The following AP5Z1 variants were observed in gnomAD, a reference collection of about 807,000 sequenced individuals.
The protein encoded by AP5Z1 is AP-5 complex subunit zeta-1.
AP5Z1 carries 106 observed loss-of-function variants against 83.0 expected under a neutral mutation model. The observed-to-expected ratio is 1.28, with a 90% confidence interval of 1.09 to 1.50. The LOEUF (loss-of-function observed/expected upper bound fraction) is 1.50, where lower values mean the gene tolerates loss of function less well. Among genes scored for constraint, AP5Z1 ranks in the 40% most tolerant of loss-of-function variants. The pLI, the probability that AP5Z1 is intolerant of heterozygous loss-of-function variation, is 0.00. For missense variants in AP5Z1, 1,565 were observed against 1,094.2 expected (o/e 1.43, Z -6.07); for synonymous variants, 751 against 514.1 (o/e 1.46, Z -6.23).
intron 13 of AP5Z1, 49 bp downstream of exon 13, chr7:4,789,000 G>A: frequency 6.5e-7 from 1 of 1,528,174 alleles, no homozygotes. Flanking sequence ...TCACAACTGA[G>A]GGGCAGGCCA....
Position 4,783,480 on chromosome 7 carries a change from A to G in AP5Z1, c.511+20A>G. ...AGGAGGGTACGCGGGGCCCCTCCCA[A>G]GAGGCTGTTGGGGGTCTGCCTTCCC... On this transcript the variant is annotated intron_variant, in intron 4 of 16. Coordinates refer to ENST00000649063, the MANE Select transcript of AP5Z1 (RefSeq NM_014855.3). 1 of 1,602,746 alleles carries G rather than the reference A, an allele frequency of 6.2e-7. No homozygotes were observed. Among genetic ancestry groups the G allele is most frequent in the East Asian group, 2.3e-5 (1 of 44,310 alleles).
chr7:4,785,396 CT>C lies in AP5Z1; in HGVS notation c.932-14del. On this transcript the variant is annotated intron_variant, in intron 7 of 16. Coordinates refer to ENST00000649063, the MANE Select transcript of AP5Z1 (RefSeq NM_014855.3). Reference sequence around the variant, plus strand: ...CTAAGGCTGAGACAGAGCCGGCTGACTTTTTCCCCTCCTTCCAGGAGCCCTG... The same window carrying C: ...CTAAGGCTGAGACAGAGCCGGCTGACTTTTCCCCTCCTTCCAGGAGCCCTG... The C allele has an allele frequency of 1.2e-6, 2 of 1,612,322 alleles. No homozygotes were observed. The highest frequency in any genetic ancestry group is 1.7e-6 in the Non-Finnish European group (2 of 1,179,102).
At chr7:4,790,086 C>G in intron 14 of AP5Z1, 157 bp downstream of exon 14, 4 of 1,301,558 alleles carry the variant, frequency 3.1e-6, no homozygotes, top group Non-Finnish European at 4.1e-6. Flanking sequence ...AGCCCCACAC[C>G]CAGCCCCAGG....
At chr7:4,785,761 T>C (rs892193757) in intron 9 of AP5Z1, 77 bp downstream of exon 9, 409 of 117,750 alleles carry the variant, frequency 3.5e-3, no homozygotes, top group Non-Finnish European at 5.1e-3. Flanking sequence ...TCTTCTTCCC[T>C]TTTTTTTTTT....
At chr7:4,776,973 T>A (rs1465557486) in intron 1 of AP5Z1, among the ~76,000 whole-genome samples, 3 of 152,092 alleles carry the variant, frequency 2.0e-5, no homozygotes, top group Non-Finnish European at 4.4e-5. Flanking sequence ...TGGGAAAGAT[T>A]CGGGTGGTTG....
intron 11 of AP5Z1, 118 bp downstream of exon 11, chr7:4,787,894 C>A (rs1781604958): frequency 1.5e-6 from 2 of 1,305,366 alleles, no homozygotes; most frequent in African/African-American, 1.5e-5. Context: ...CCCCCCCCAA[C>A]ACCTGACCAG....
At chr7:4,785,156 G>T in intron 7 of AP5Z1, 108 bp downstream of exon 7, 5 of 1,484,156 alleles carry the variant, frequency 3.4e-6, no homozygotes, top group African/African-American at 1.4e-5. Flanking sequence ...CACAGAGGGG[G>T]TCCCTGGGTA....
intron 1 of AP5Z1, among the ~76,000 whole-genome samples, chr7:4,780,626 C>T (rs557515077): frequency 1.7e-4 from 26 of 152,088 alleles, no homozygotes; most frequent in Non-Finnish European, 3.5e-4. Flanking sequence ...ATTAGCCGGG[C>T]GTGGTGGTGG....
In AP5Z1 at chr7:4,787,730, CTGCTGGACCTGCCCTGCTTGACGGCGG is replaced by C. The variant is rs771637614; in HGVS notation, c.1421_1447del (p.Pro474_Leu482del). The C allele has an allele frequency of 5.2e-5, 80 of 1,547,590 alleles. No homozygotes were observed. The highest frequency in any genetic ancestry group is 1.8e-4 in the Middle Eastern group (1 of 5,632). On this transcript the variant is annotated inframe_deletion, in exon 11 of 17. Coordinates refer to ENST00000649063, the MANE Select transcript of AP5Z1 (RefSeq NM_014855.3). The stretch of plus-strand genomic sequence containing the variant: ...CACAGCCCTGGAGATGCTGCACGCG[CTGCTGGACCTGCCCTGCTTGACGGCGG>C]TGCTGGACCTGCAGCTCAGGTGGGC...
intron 13 of AP5Z1, among the ~76,000 whole-genome samples, chr7:4,789,545 C>A (rs143842869): frequency 2.2e-3 from 341 of 152,334 alleles, no homozygotes; most frequent in Middle Eastern, 0.01. Context: ...TGGGCGCACC[C>A]TTGGCCAAAC....
chr7:4,786,992 G>C (rs1258552645), intron 10 of AP5Z1, among the ~76,000 whole-genome samples: 2 of 151,922 alleles, frequency 1.3e-5, no homozygotes, highest in African/African-American at 2.4e-5. Flanking sequence ...GGCTGGTCTC[G>C]AACTCCTGAC....
rs934439148 is a variant in AP5Z1, at chr7:4,792,418, AC to A, written c.*1035del. ...TCCCCCATAGCTCTGCGACTAAGAA[AC>A]CACAGGCTGAAGGCGACTGCAGGGT... On this transcript the variant is annotated 3_prime_UTR_variant, in exon 17 of 17. Transcript: ENST00000649063. 1 of 151,380 alleles carries A rather than the reference AC, an allele frequency of 6.6e-6. No homozygotes were observed. The highest frequency in any genetic ancestry group is 2.4e-5 in the African/African-American group (1 of 41,148). The allele number at this position is 151,380 out of a possible 1,614,324, so 9.4% of individuals were successfully genotyped here.
Position 4,784,895 on chromosome 7 carries a change from C to A in AP5Z1, c.791-13C>A, listed in dbSNP as rs754211887. On this transcript the variant is annotated splice_polypyrimidine_tract_variant and intron_variant, in intron 6 of 16. Coordinates refer to ENST00000649063, the MANE Select transcript of AP5Z1 (RefSeq NM_014855.3). ...CCACACGTCAGCCTGCTGAGAGTTCCCACCTCCCGCAGATGACAGGTCAGA... is the reference window on the plus strand; with the variant it reads ...CCACACGTCAGCCTGCTGAGAGTTCACACCTCCCGCAGATGACAGGTCAGA... 6.2e-7 allele frequency: 1 copy of A among 1,604,868 alleles called. No individual in the cohort carries two copies. Among genetic ancestry groups the A allele is most frequent in the Admixed American group, 1.7e-5 (1 of 59,638 alleles).
In AP5Z1 at chr7:4,785,546, C is replaced by T. The variant is rs1045333933; in HGVS notation, c.994C>T (p.Leu332=). Residue 332 remains leucine (L), a synonymous_variant, in exon 9 of 17, where the codon CTG becomes TTG. Coordinates refer to ENST00000649063, the MANE Select transcript of AP5Z1 (RefSeq NM_014855.3). ...KACLVEAVLV[L]DVLCRQDPSF... is the part of the protein sequence containing the mutation. Reference sequence around the variant, plus strand: ...GTGCCTGGTGGAGGCCGTGCTGGTGCTGGACGTGCTGTGCCGGCAGGACCC... The same window carrying T: ...GTGCCTGGTGGAGGCCGTGCTGGTGTTGGACGTGCTGTGCCGGCAGGACCC... 12 of 1,612,448 alleles carry T rather than the reference C, an allele frequency of 7.4e-6. No individual in the cohort carries two copies. In the African/African-American group the frequency reaches 8.0e-5, roughly 11 times the overall value.
At chr7:4,789,200 C>T (rs556614250) in intron 13 of AP5Z1, among the ~76,000 whole-genome samples, 9 of 145,840 alleles carry the variant, frequency 6.2e-5, no homozygotes, top group Admixed American at 6.2e-4. Context: ...TCCCGGCAGG[C>T]CACGTCCCCC....
At chr7:4,777,425 T>C (rs1781257791) in intron 1 of AP5Z1, among the ~76,000 whole-genome samples, 1 of 152,096 alleles carries the variant, frequency 6.6e-6, no homozygotes, top group South Asian at 2.1e-4. Flanking sequence ...TCTCCCTCTG[T>C]CGCCCAGGCT....
At chr7:4,787,537 C>G (rs546007662) in intron 10 of AP5Z1, 97 bp from the exon 11 acceptor site, 12 of 1,467,602 alleles carry the variant, frequency 8.2e-6, no homozygotes, top group Non-Finnish European at 1.1e-5. Flanking sequence ...CTGGGGACTG[C>G]AGGTCTGGGA....
chr7:4,787,698 A>ATG lies in AP5Z1; in HGVS notation c.1376_1377insTG (p.Gly461LeufsTer17). ...GTGGCGCTCCTCCCGGCCCTGGTGGACGCTGGCACAGCCCTGGAGATGCTG... is the reference window on the plus strand; with the variant it reads ...GTGGCGCTCCTCCCGGCCCTGGTGGATGCGCTGGCACAGCCCTGGAGATGCTG... On this transcript the variant is annotated frameshift_variant, in exon 11 of 17. Coordinates refer to ENST00000649063, the MANE Select transcript of AP5Z1 (RefSeq NM_014855.3). LOFTEE classifies it high-confidence loss of function. 1.9e-6 allele frequency: 3 copies of ATG among 1,551,952 alleles called. No individual in the cohort carries two copies. Among genetic ancestry groups the ATG allele is most frequent in the Non-Finnish European group, 2.6e-6 (3 of 1,148,896 alleles).
intron 3 of AP5Z1, 54 bp downstream of exon 3, chr7:4,781,808 C>G: frequency 3.4e-6 from 5 of 1,470,008 alleles, no homozygotes; most frequent in Non-Finnish European, 4.5e-6. Flanking sequence ...TCCCAAGGAA[C>G]AGGGGAGACA....
Sources: allele counts gnomAD v4.1 joint callset (sites outside exome capture counted in the v4.1 genomes callset), GRCh38; gene constraint gnomAD v4.1.1; transcripts MANE v1.5; gene names NCBI Gene and HGNC (gene_info 2026-07-23, HGNC 2026-07-21).